Variants in CIZ1 observed in about 807,000 individuals in gnomAD.
The protein encoded by CIZ1 is CDKN1A interacting zinc finger protein 1.
A neutral mutation model predicts 118.6 loss-of-function variants in CIZ1; 58 were observed. The observed-to-expected ratio is 0.49, with a 90% CI of 0.40 to 0.61. The LOEUF is 0.61. Among genes scored for constraint, CIZ1 ranks in the 20% least tolerant of loss-of-function variants. The pLI, the probability that CIZ1 is intolerant of heterozygous loss-of-function variation, is 0.00. For synonymous variants in CIZ1, 448 were observed against 443.4 expected (o/e 1.01, Z -0.13); for missense variants, 921 against 1,115.9 (o/e 0.83, Z 2.49).
At chr9:128,185,806 T>G in intron 4 of CIZ1, 30 bp from the exon 5 acceptor site, 8 of 1,483,572 alleles carry the variant, frequency 5.4e-6, no homozygotes, top group Non-Finnish European at 6.6e-6. Flanking sequence ...AGAAGAGGGG[T>G]CACAATGTGG....
intron 3 of CIZ1, among the ~76,000 whole-genome samples, chr9:128,189,824 CAAAAAAAAAAAAAAAA>C (rs56177059): frequency 1.3e-3 from 56 of 42,282 alleles, no homozygotes; most frequent in South Asian, 3.6e-3. Context: ...AACTCTGTCT[CAAAAAAAAAAAAAAAA>C]AAAAAAAAAA....
intron 3 of CIZ1, 115 bp from the exon 4 acceptor site, chr9:128,188,049 C>CA (rs34003070): frequency 0.51 from 11,403 of 22,484 alleles, 2,869 homozygotes; most frequent in Non-Finnish European, 0.61. Flanking sequence ...CTTAAAACAG[C>CA]AAAAAAAAAA....
intron 13 of CIZ1, 86 bp from the exon 14 acceptor site, chr9:128,169,287 TC>T (rs1829834188): frequency 2.0e-6 from 2 of 1,018,976 alleles, no homozygotes; most frequent in African/African-American, 4.6e-5. Flanking sequence ...CCCCTGAGAG[TC>T]CCAATCCCTC....
At chr9:128,180,276 C>T in intron 7 of CIZ1, 139 bp downstream of exon 7, 1 of 649,932 alleles carries the variant, frequency 1.5e-6, no homozygotes, top group Non-Finnish European at 2.7e-6. Flanking sequence ...TAAGGCCTTC[C>T]TCCAAATCAG....
rs780614472 is a variant in CIZ1 at position 128,187,882 on chromosome 9, G to A, written c.339C>T (p.Thr113=). The part of the protein sequence containing the change: ...PPATYDTAGL[T]MPTATLGNLR... ...TAATACCCAGTGTTGCTGTGGGCAT[G>A]GTGAGACCGGCAGTGTCATACGTGG... The change falls in exon 4 of 17, where the codon ACC becomes ACT. Residue 113 remains threonine, a synonymous_variant. Transcript: ENST00000372938. 2 of 747,206 alleles carry A rather than the reference G, an allele frequency of 2.7e-6. No homozygotes were observed. Among genetic ancestry groups the A allele is most frequent in the Non-Finnish European group, 5.0e-6 (2 of 400,196 alleles). The allele number at this position is 747,206 out of a possible 1,614,324, so 46.3% of individuals were successfully genotyped here. A position where few individuals can be genotyped will look rare whatever the true frequency, so the allele number is the denominator to read the frequency against.
At position 128,191,552 on chromosome 9, in the gene CIZ1, C is replaced by G. The variant is rs1185263558; in HGVS notation, c.-126G>C. On this transcript the variant is annotated 5_prime_UTR_variant, in exon 1 of 17. Transcript: ENST00000372938. This position sits in a 1 kb window ranked among gnomAD's most constrained non-coding sequence, Gnocchi z 5.5. The stretch of plus-strand genomic sequence containing the variant: ...GCTCCCGGCCTCCCCGCTGCTACTC[C>G]GGGGCCTGTGGGCTCGTAAGGCCCA... 3.8e-6 allele frequency: 4 copies of G among 1,065,766 alleles called. No homozygotes were observed. The highest frequency in any genetic ancestry group is 4.5e-6 in the Non-Finnish European group (4 of 881,980). 66.0% of individuals were successfully genotyped at this position (1,065,766 alleles called of 1,614,324 possible).
upstream of CIZ1, among the ~76,000 whole-genome samples, chr9:128,196,670 C>G (rs7847580): frequency 0.011 from 1,619 of 152,270 alleles, 45 homozygotes; most frequent in African/African-American, 0.038. Context: ...GTGGCACGAT[C>G]TCTGCTCAAT....
rs746429359 is a variant in CIZ1, at chr9:128,178,527, C to T, written c.1499-37G>A. 2.5e-6 allele frequency: 4 copies of T among 1,613,896 alleles called. No homozygotes were observed. The South Asian group carries it at 3.3e-5, about 13-fold the overall frequency. On this transcript the variant is annotated intron_variant, in intron 8 of 16. Transcript: ENST00000372938. The stretch of plus-strand genomic sequence containing the variant: ...GATGTGCTGTATTTCCCAGAGTCCC[C>T]AGGCCCAAGAGCTGCCTTCTCCGTC...
Position 128,169,045 on chromosome 9 carries a change from C to T in CIZ1, c.2295+7G>A. 6.2e-7 allele frequency: 1 copy of T among 1,614,064 alleles called. No individual in the cohort carries two copies. Among genetic ancestry groups the T allele is most frequent in the South Asian group, 1.1e-5 (1 of 91,064 alleles). On this transcript the variant is annotated splice_region_variant and intron_variant, in intron 14 of 16. Coordinates refer to ENST00000372938, the MANE Select transcript of CIZ1 (RefSeq NM_001131016.2). ...CAAGCCCGCCTCCCACACCCTCCCC[C>T]CAGCACCTGCTTGCAGAGTTCCTCC...
At chr9:128,183,584 G>A (rs1031650003) in intron 5 of CIZ1, among the ~76,000 whole-genome samples, 1 of 152,248 alleles carries the variant, frequency 6.6e-6, no homozygotes, top group Non-Finnish European at 1.5e-5. Flanking sequence ...ACAGTCTAGG[G>A]AGGGGGTGAG....
At chr9:128,200,794 G>A (rs948175987) in intron 1 of CIZ1, among the ~76,000 whole-genome samples, 3 of 147,846 alleles carry the variant, frequency 2.0e-5, no homozygotes, top group Non-Finnish European at 4.5e-5. Flanking sequence ...CTGAGATCAC[G>A]ACACTGCACT....
rs1831148233 is a variant in CIZ1, at chr9:128,178,465, A to G, written c.1524T>C (p.Pro508=). 1 of 1,614,056 alleles carries G rather than the reference A, an allele frequency of 6.2e-7. No individual in the cohort carries two copies. Among genetic ancestry groups the G allele is most frequent in the African/African-American group, 1.3e-5 (1 of 74,946 alleles). The change falls in exon 9 of 17, where the codon CCT becomes CCC. Residue 508 remains proline (P), a synonymous_variant. Coordinates refer to ENST00000372938, the MANE Select transcript of CIZ1 (RefSeq NM_001131016.2). ...CTTCCATGCTGACTTGGGTGCCCAC[A>G]GGCTCTGGCAAGGTCTTTTCCATGC... ...GGGMEKTLPE[P]VGTQVSMEEI...
intron 11 of CIZ1, among the ~76,000 whole-genome samples, chr9:128,172,851 GAAAA>G (rs977429056): frequency 6.6e-6 from 1 of 151,636 alleles, no homozygotes; most frequent in African/African-American, 2.4e-5. Context: ...TTTAAAATCA[GAAAA>G]AAAAATTTTT....
At chr9:128,192,081 G>A, upstream of CIZ1, 1 of 488,938 alleles carries the variant, frequency 2.0e-6, no homozygotes, top group Non-Finnish European at 3.4e-6. Context: ...AGGTGAGGAG[G>A]GTCGAGGCCA....
At chr9:128,187,487 C>A (rs1392418829) in intron 4 of CIZ1, among the ~76,000 whole-genome samples, 5 of 152,176 alleles carry the variant, frequency 3.3e-5, no homozygotes, top group Non-Finnish European at 5.9e-5. Flanking sequence ...ATTTCCTGAT[C>A]TGTAAAAAGG....
intron 5 of CIZ1, 32 bp downstream of exon 5, chr9:128,185,515 C>G: frequency 8.1e-7 from 1 of 1,233,782 alleles, no homozygotes; most frequent in Non-Finnish European, 1.1e-6. Context: ...AGGGTCCCCT[C>G]CCGCCCACTC....
chr9:128,171,212 G>A (rs527356161), intron 11 of CIZ1, among the ~76,000 whole-genome samples: 39 of 151,048 alleles, frequency 2.6e-4, no homozygotes, highest in Admixed American at 2.0e-3. Context: ...CAGGAGGATC[G>A]CTTGAGCCTA....
Position 128,179,243 on chromosome 9 carries a change from C to T in CIZ1, c.964G>A (p.Val322Met). 13 of 1,614,148 alleles carry T rather than the reference C, an allele frequency of 8.1e-6. No individual in the cohort carries two copies. Among genetic ancestry groups the T allele is most frequent in the Non-Finnish European group, 1.0e-5 (12 of 1,180,024 alleles). Residue 322 changes from valine (V) to methionine (M), a missense_variant, in exon 8 of 17, where the codon GTG (valine) becomes ATG (methionine). Transcript: ENST00000372938. ...QPRVLQVQAQ[V>M]QSQTQPRIPS... ...ATCCGCGGCTGAGTCTGTGACTGCA[C>T]CTGGGCCTGGACCTGCAGGACCCGT...
At chr9:128,168,730 C>CGGTGG in intron 14 of CIZ1, 1 of 335,666 alleles carries the variant, frequency 3.0e-6, no homozygotes, top group Non-Finnish European at 5.7e-6. Context: ...CTGTCAGTCT[C>CGGTGG]TCCATTATCA....
Sources: gnomAD v4.1 joint callset for allele counts (sites outside exome capture counted in the v4.1 genomes callset) on GRCh38, gnomAD v4.1.1 for gene constraint, Gnocchi (gnomAD v3.1) non-coding constraint, MANE v1.5 for transcripts, NCBI Gene and HGNC (gene_info 2026-07-23, HGNC 2026-07-21) for gene names.